Variants in ZNRF3 observed in about 807,000 individuals in gnomAD.
ZNRF3 encodes the protein zinc and ring finger 3.
Under a neutral mutation model 72.5 loss-of-function variants are expected in ZNRF3, and 23 were observed. The observed-to-expected ratio is 0.32, with a 90% CI of 0.23 to 0.45. ZNRF3 has a LOEUF of 0.45. ZNRF3 is among the 20% of genes least tolerant of loss of function. ZNRF3 has a pLI of 1.00. For missense variants in ZNRF3, 1,169 were observed against 1,272.1 expected, an observed-to-expected ratio of 0.92 and a Z score of 1.23; for synonymous variants, 610 against 545.3, an observed-to-expected ratio of 1.12 and a Z score of -1.65.
At chr22:29,042,141 A>T (rs373761996) in intron 2 of ZNRF3, among the ~76,000 whole-genome samples, 11 of 152,236 alleles carry the variant, frequency 7.2e-5, no homozygotes, top group Admixed American at 2.0e-4. Flanking sequence ...TAATTGACAG[A>T]TAATAATTGT....
chr22:29,022,750 G>A (rs973539321), intron 2 of ZNRF3, among the ~76,000 whole-genome samples: 2 of 152,046 alleles, frequency 1.3e-5, no homozygotes, highest in South Asian at 2.1e-4. Flanking sequence ...GAACTCAATT[G>A]GTATATTTGA....
At chr22:29,029,507 G>A (rs1191795789) in intron 2 of ZNRF3, among the ~76,000 whole-genome samples, 2 of 152,228 alleles carry the variant, frequency 1.3e-5, no homozygotes, top group Admixed American at 6.5e-5. Flanking sequence ...TGAATCAGGA[G>A]AGGAGCTCCA....
At chr22:28,964,850 G>A (rs187777344) in intron 1 of ZNRF3, among the ~76,000 whole-genome samples, 205 of 152,390 alleles carry the variant, frequency 1.3e-3, no homozygotes, top group African/African-American at 4.7e-3. Flanking sequence ...GGACAAAGCC[G>A]TGGGGAGCTG....
chr22:28,899,426 C>G (rs1330583949), intron 1 of ZNRF3, among the ~76,000 whole-genome samples: 1 of 152,144 alleles, frequency 6.6e-6, no homozygotes, highest in African/African-American at 2.4e-5. Context: ...CTACAGACAA[C>G]AGAGTTGGCA....
intron 1 of ZNRF3, among the ~76,000 whole-genome samples, chr22:28,885,603 A>AG (rs1225798524): frequency 1.3e-5 from 2 of 151,014 alleles, no homozygotes; most frequent in African/African-American, 4.9e-5. Context: ...AAAAAAAAAA[A>AG]AAAAAAAAAA....
Position 29,037,185 on chromosome 22 carries a change from C to T in ZNRF3, c.427-5310C>T, listed in dbSNP as rs149971192. 2.0e-3 allele frequency among the ~76,000 whole-genome samples: 308 copies of T among 152,254 alleles called. 3 individuals are homozygous for T. In the South Asian group the frequency reaches 0.021, roughly 11 times the overall value. On this transcript the variant is annotated intron_variant, in intron 2 of 8. Coordinates refer to ENST00000544604, the MANE Select transcript of ZNRF3 (RefSeq NM_001206998.2). ...CAGGTAAACAGGTGAAAGTGGAATCCGTGCCCCAGAGACTCCAGGGAATAG... is the reference window on the plus strand; with the variant it reads ...CAGGTAAACAGGTGAAAGTGGAATCTGTGCCCCAGAGACTCCAGGGAATAG...
chr22:29,015,647 G>A (rs1016871507), intron 2 of ZNRF3, among the ~76,000 whole-genome samples: 3 of 149,660 alleles, frequency 2.0e-5, no homozygotes, highest in Admixed American at 2.0e-4. Flanking sequence ...TCCCGCCTGG[G>A]TGACAGAGTG....
rs746065687 is a variant in ZNRF3 at position 29,044,828 on chromosome 22, G to T, written c.682G>T (p.Val228Leu). 9.9e-6 allele frequency: 16 copies of T among 1,614,074 alleles called. No homozygotes were observed. In the East Asian group the frequency reaches 3.1e-4, roughly 31 times the overall value. ...DMGIFLAFFV[V>L]VSLVCLILLV... ...GGGGATTTTCCTGGCTTTCTTCGTC[G>T]TGGTCTCCTTGGTCTGCCTCATCCT... The change falls in exon 5 of 9, where the codon GTG becomes TTG. Residue 228 changes from valine (V) to leucine (L), a missense_variant. By Grantham distance (32) the Val-to-Leu change is conservative. Transcript: ENST00000544604.
chr22:29,028,442 G>A (rs2123868260), intron 2 of ZNRF3, among the ~76,000 whole-genome samples: 1 of 152,300 alleles, frequency 6.6e-6, no homozygotes, highest in South Asian at 2.1e-4. Flanking sequence ...GTTAGGATAA[G>A]AGCTATCTGG....
chr22:29,039,684 T>C (rs917733533), intron 2 of ZNRF3, among the ~76,000 whole-genome samples: 3 of 150,026 alleles, frequency 2.0e-5, no homozygotes, highest in Admixed American at 6.7e-5. Flanking sequence ...TGGTGGCTCA[T>C]GCCTGTGATC....
At chr22:29,007,646 C>T (rs991339206) in intron 2 of ZNRF3, among the ~76,000 whole-genome samples, 1 of 151,916 alleles carries the variant, frequency 6.6e-6, no homozygotes, top group Non-Finnish European at 1.5e-5. Context: ...CAAATCTCTC[C>T]TATAGCTTTT....
At position 29,056,413 on chromosome 22, in the gene ZNRF3, C is replaced by G. The variant is rs2037299847; in HGVS notation, c.*2791C>G. ...ACCATGCCTGCCCAGCAATACCAAC[C>G]ATTGTCTTTTAAATTCGTGTTGGCT... On this transcript the variant is annotated 3_prime_UTR_variant, in exon 9 of 9. Coordinates refer to ENST00000544604, the MANE Select transcript of ZNRF3 (RefSeq NM_001206998.2). The G allele has an allele frequency of 6.6e-6, 1 of 152,226 alleles. No individual in the cohort carries two copies. Among genetic ancestry groups the G allele is most frequent in the African/African-American group, 2.4e-5 (1 of 41,456 alleles). 9.4% of individuals were successfully genotyped at this position (152,226 alleles called of 1,614,324 possible).
At chr22:29,006,284 G>A (rs189425058) in intron 2 of ZNRF3, among the ~76,000 whole-genome samples, 1 of 138,688 alleles carries the variant, frequency 7.2e-6, no homozygotes, top group East Asian at 2.3e-4. Context: ...CACAATCTCG[G>A]CTCACCGCAA....
rs1186105302 is a variant in ZNRF3, at chr22:28,908,309, T to C, written c.300+24243T>C. On this transcript the variant is annotated intron_variant, in intron 1 of 8. Transcript: ENST00000544604. ...ACCCTCAACAACCCTCTATGTTAAC[T>C]TACCTTCTCCTGGGAGTCTTGGTGG... 2.0e-5 allele frequency among the ~76,000 whole-genome samples: 3 copies of C among 152,198 alleles called. No homozygotes were observed. In the South Asian group the frequency reaches 6.2e-4, roughly 32 times the overall value.
At chr22:28,919,583 A>G (rs2034472557) in intron 1 of ZNRF3, among the ~76,000 whole-genome samples, 1 of 148,794 alleles carries the variant, frequency 6.7e-6, no homozygotes. Flanking sequence ...TCTGTCACCC[A>G]GGCTGGAGTG....
At chr22:28,884,088 C>T (rs1416242298) in intron 1 of ZNRF3, 22 bp downstream of exon 1, 45 of 1,189,022 alleles carry the variant, frequency 3.8e-5, no homozygotes, top group Non-Finnish European at 4.5e-5. Context: ...CCGCCCGGGC[C>T]CCGCGCCGCC....
intron 1 of ZNRF3, among the ~76,000 whole-genome samples, chr22:28,914,819 A>G (rs556133277): frequency 6.6e-6 from 1 of 151,990 alleles, no homozygotes; most frequent in East Asian, 1.9e-4. Flanking sequence ...CGTCTCAAAA[A>G]AAAAAAAAAA....
chr22:28,934,370 C>T (rs753502949), intron 1 of ZNRF3, among the ~76,000 whole-genome samples: 1 of 152,192 alleles, frequency 6.6e-6, no homozygotes, highest in African/African-American at 2.4e-5. Flanking sequence ...TGATAGCCAT[C>T]GCTCAACTCT....
intron 1 of ZNRF3, among the ~76,000 whole-genome samples, chr22:28,941,443 T>C (rs2034946107): frequency 6.6e-6 from 1 of 152,192 alleles, no homozygotes; most frequent in Non-Finnish European, 1.5e-5. Flanking sequence ...TAAGATGACT[T>C]TATTACTTTT....
Sources: allele counts gnomAD v4.1 joint callset (sites outside exome capture counted in the v4.1 genomes callset), GRCh38; gene constraint gnomAD v4.1.1; transcripts MANE v1.5; gene names NCBI Gene and HGNC (gene_info 2026-07-23, HGNC 2026-07-21).